Variants in UBR3 observed in about 807,000 individuals in gnomAD.
UBR3 encodes ubiquitin protein ligase E3 component n-recognin 3, also known as E3 ubiquitin-protein ligase UBR3.
A neutral mutation model predicts 243.2 loss-of-function variants in UBR3; 85 were observed. The observed-to-expected ratio is 0.35, with a 90% CI of 0.29 to 0.42. The LOEUF (loss-of-function observed/expected upper bound fraction) is 0.42. Among genes scored for constraint, UBR3 ranks in the 10% least tolerant of loss-of-function variants. UBR3 has a pLI of 1.00. For synonymous variants in UBR3, 748 were observed against 799.8 expected (o/e 0.94, Z 1.09); for missense variants, 1,686 against 2,300.8 (o/e 0.73, Z 5.47).
chr2:170,041,550 A>T (rs1195485526), intron 32 of UBR3, among the ~76,000 whole-genome samples: 1 of 152,212 alleles, frequency 6.6e-6, no homozygotes, highest in African/African-American at 2.4e-5. Context: ...TAACATTATT[A>T]TATTAACAGC....
intron 30 of UBR3, among the ~76,000 whole-genome samples, chr2:170,024,353 C>CAAAAAAAAA (rs10606818): frequency 8.8e-5 from 9 of 101,942 alleles, no homozygotes; most frequent in Non-Finnish European, 1.1e-4. Flanking sequence ...GACTCCATCT[C>CAAAAAAAAA]AAAAAAAAAA....
chr2:169,880,527 G>C (rs932778305), intron 5 of UBR3, among the ~76,000 whole-genome samples: 2 of 152,108 alleles, frequency 1.3e-5, no homozygotes, highest in African/African-American at 2.4e-5. Flanking sequence ...TGAATTTCCC[G>C]TGGAGACTTT....
intron 24 of UBR3, among the ~76,000 whole-genome samples, chr2:169,975,374 G>A (rs750551009): frequency 4.6e-5 from 7 of 152,036 alleles, no homozygotes; most frequent in Non-Finnish European, 7.4e-5. Context: ...TTGGCCTAAC[G>A]TGATCTATCC....
At chr2:169,833,630 G>A (rs572301332) in intron 1 of UBR3, among the ~76,000 whole-genome samples, 1 of 152,116 alleles carries the variant, frequency 6.6e-6, no homozygotes, top group South Asian at 2.1e-4. Flanking sequence ...AGTTTCAGAA[G>A]TAATACACAT....
intron 1 of UBR3, among the ~76,000 whole-genome samples, chr2:169,865,512 A>G (rs940374531): frequency 2.0e-5 from 3 of 152,308 alleles, no homozygotes; most frequent in Non-Finnish European, 4.4e-5. Context: ...AAAATTACTT[A>G]GACCATTCTT....
chr2:169,939,667 G>A (rs962702698), intron 19 of UBR3, among the ~76,000 whole-genome samples: 8 of 150,050 alleles, frequency 5.3e-5, no homozygotes, highest in African/African-American at 2.0e-4. Context: ...GGGCTCAAGC[G>A]ATCTTCCCAC....
intron 20 of UBR3, 140 bp downstream of exon 20, chr2:169,942,774 A>G: frequency 1.2e-6 from 1 of 861,364 alleles, no homozygotes; most frequent in Non-Finnish European, 1.6e-6. Flanking sequence ...GATATGTTAT[A>G]ATCACATGTA....
At chr2:169,932,336 C>T (rs1466265607) in intron 18 of UBR3, among the ~76,000 whole-genome samples, 1 of 152,162 alleles carries the variant, frequency 6.6e-6, no homozygotes, top group African/African-American at 2.4e-5. Context: ...CCTCAGCTGC[C>T]CAAAGTGCTG....
At chr2:169,963,822 A>T (rs902780588) in intron 24 of UBR3, among the ~76,000 whole-genome samples, 1 of 152,148 alleles carries the variant, frequency 6.6e-6, no homozygotes, top group Non-Finnish European at 1.5e-5. Context: ...AATTCCAAAC[A>T]TAGAGGAAAG....
At chr2:169,849,542 A>G (rs2082591621) in intron 1 of UBR3, among the ~76,000 whole-genome samples, 1 of 152,098 alleles carries the variant, frequency 6.6e-6, no homozygotes, top group Non-Finnish European at 1.5e-5. Flanking sequence ...TGATCCACCC[A>G]CCTTGACCTC....
At position 169,926,861 on chromosome 2, in the gene UBR3, C is replaced by T; in HGVS notation, c.2228C>T (p.Thr743Ile). ...FERFKVVDLL[T>I]MASQHQNTVL... is the part of the protein sequence containing the mutation. ...AGATTTAAGGTAGTGGATTTGTTGA[C>T]AATGGCATCACAACATCAAAATACA... Residue 743 changes from threonine (T) to isoleucine (I), a missense_variant, in exon 16 of 39, where the codon ACA becomes ATA. Coordinates refer to ENST00000272793, the MANE Select transcript of UBR3 (RefSeq NM_172070.4). 1.9e-6 allele frequency: 3 copies of T among 1,549,334 alleles called. No individual in the cohort carries two copies. The highest frequency in any genetic ancestry group is 2.6e-6 in the Non-Finnish European group (3 of 1,145,456).
intron 5 of UBR3, 55 bp downstream of exon 5, chr2:169,878,629 C>G: frequency 1.4e-6 from 2 of 1,422,218 alleles, no homozygotes; most frequent in Admixed American, 2.1e-5. Context: ...CTTTTTTATA[C>G]TTTTTTATTA....
At position 170,032,116 on chromosome 2, in the gene UBR3, A is replaced by T. The variant is rs575616493; in HGVS notation, c.4556+2668A>T. On this transcript the variant is annotated intron_variant, in intron 31 of 38. Transcript: ENST00000272793. ...CATTTCTGATAAATTTGGAAAAAAAAGTGAAATTCTTTGTTTACTGATCTT... is the reference window on the plus strand; with the variant it reads ...CATTTCTGATAAATTTGGAAAAAAATGTGAAATTCTTTGTTTACTGATCTT... 2.4e-4 allele frequency among the ~76,000 whole-genome samples: 36 copies of T among 152,308 alleles called. 1 individual carries two copies. The South Asian group carries it at 7.0e-3, about 30-fold the overall frequency.
At chr2:170,029,481 A>T in intron 31 of UBR3, 33 bp downstream of exon 31, 1 of 1,518,912 alleles carries the variant, frequency 6.6e-7, no homozygotes, top group African/African-American at 1.4e-5. Flanking sequence ...AATCAATTAA[A>T]ACTCTTTATG....
chr2:170,073,607 G>A lies in UBR3; in HGVS notation c.5199G>A (p.Lys1733=). ...SFTERHAEQG[K]ALLIQESKWK... ...CTGAAAGACATGCAGAACAAGGAAA[G>A]GTATGTTAAAAGAGTTGTACTAGCT... Residue 1733 remains lysine, a splice_region_variant and synonymous_variant, in exon 36 of 39, where the codon AAG becomes AAA. Transcript: ENST00000272793. 6.2e-7 allele frequency: 1 copy of A among 1,611,898 alleles called. No individual in the cohort carries two copies.
rs532591052 is a variant in UBR3 at position 169,834,906 on chromosome 2, G to T, written c.545+6854G>T. On this transcript the variant is annotated intron_variant, in intron 1 of 38. Transcript: ENST00000272793. ...TGAAGACCTTATGCCAAATGAAATA[G>T]GCCCAGCACAAAAGAACAAATGCTT... Among the ~76,000 whole-genome samples, 44 of 152,286 alleles carry T rather than the reference G, an allele frequency of 2.9e-4. 1 individual carries two copies. Among genetic ancestry groups the T allele is most frequent in the Non-Finnish European group, 5.0e-4 (34 of 68,024 alleles).
rs530261043 is a variant in UBR3, at chr2:169,937,191, T to C, written c.2663+4183T>C. Among the ~76,000 whole-genome samples the C allele has an allele frequency of 2.9e-4, 44 of 152,360 alleles. No individual in the cohort carries two copies. In the South Asian group the frequency reaches 5.0e-3, roughly 17 times the overall value. ...CTGTTGTTTCCTGACTTTTTAATGA[T>C]CGCCATTCTAACTGGTGTGAGATGG... On this transcript the variant is annotated intron_variant, in intron 19 of 38. Transcript: ENST00000272793.
At chr2:169,962,596 GA>G (rs1291221097) in intron 24 of UBR3, among the ~76,000 whole-genome samples, 1 of 152,124 alleles carries the variant, frequency 6.6e-6, no homozygotes, top group Non-Finnish European at 1.5e-5. Flanking sequence ...GGATCTCCTA[GA>G]TTGATCTTTT....
At chr2:169,942,467 A>G in intron 19 of UBR3, 26 bp from the exon 20 acceptor site, 2 of 1,525,968 alleles carry the variant, frequency 1.3e-6, no homozygotes, top group Non-Finnish European at 1.8e-6. Flanking sequence ...CTATCATCTA[A>G]TTCTAGTTTT....
Sources: allele counts gnomAD v4.1 joint callset (sites outside exome capture counted in the v4.1 genomes callset), GRCh38; gene constraint gnomAD v4.1.1; transcripts MANE v1.5; gene names NCBI Gene and HGNC (gene_info 2026-07-23, HGNC 2026-07-21).